Variants in ARK2C observed in about 807,000 individuals in gnomAD.
The protein encoded by ARK2C is arkadia (RNF111) C-terminal like ring finger ubiquitin ligase 2C.
the ARK2C span, chr18:46,456,896 C>T: frequency 2.2e-6 from 1 of 463,666 alleles, no homozygotes. Context: ...AGCGCAAGGG[C>T]GGGAAGGAGG....
At chr18:46,416,519 G>C in the ARK2C span, among the ~76,000 whole-genome samples, 1 of 152,188 alleles carries the variant, frequency 6.6e-6, no homozygotes, top group Non-Finnish European at 1.5e-5. Flanking sequence ...ACTCAAAATT[G>C]AGTCCCCACC....
the ARK2C span, among the ~76,000 whole-genome samples, chr18:46,451,478 T>G: frequency 3.9e-5 from 6 of 152,050 alleles, no homozygotes; most frequent in Non-Finnish European, 7.4e-5. Flanking sequence ...CACATCCAGA[T>G]AATGGAATAT....
chr18:46,438,042 G>A, the ARK2C span, among the ~76,000 whole-genome samples: 1 of 152,234 alleles, frequency 6.6e-6, no homozygotes, highest in Non-Finnish European at 1.5e-5. Flanking sequence ...CTTAGGGTCT[G>A]TACAGCAACC....
the ARK2C span, among the ~76,000 whole-genome samples, chr18:46,365,178 T>C: frequency 2.0e-5 from 3 of 152,202 alleles, no homozygotes; most frequent in Non-Finnish European, 2.9e-5. Flanking sequence ...TCTTTGGAAC[T>C]TAACCTGGCT....
At chr18:46,454,961 A>G in the ARK2C span, among the ~76,000 whole-genome samples, 1 of 152,244 alleles carries the variant, frequency 6.6e-6, no homozygotes, top group Non-Finnish European at 1.5e-5. Flanking sequence ...AGTCCATGCC[A>G]TCTGAATTTG....
At chr18:46,381,325 A>G in the ARK2C span, among the ~76,000 whole-genome samples, 1 of 152,162 alleles carries the variant, frequency 6.6e-6, no homozygotes, top group Non-Finnish European at 1.5e-5. Context: ...TAGCCGCAAG[A>G]AACAGTGACC....
At chr18:46,358,931 CTT>C in the ARK2C span, among the ~76,000 whole-genome samples, 1 of 152,304 alleles carries the variant, frequency 6.6e-6, no homozygotes, top group South Asian at 2.1e-4. Flanking sequence ...CCCCCGGACT[CTT>C]GTCCCCACAG....
At chr18:46,433,390 C>G in the ARK2C span, 1 of 1,613,474 alleles carries the variant, frequency 6.2e-7, no homozygotes, top group Non-Finnish European at 8.5e-7. Flanking sequence ...GCTGCCCACC[C>G]TGCAGTTCCA....
At chr18:46,393,553 A>G in the ARK2C span, among the ~76,000 whole-genome samples, 1 of 151,938 alleles carries the variant, frequency 6.6e-6, no homozygotes, top group African/African-American at 2.4e-5. Flanking sequence ...CCCCATCTAC[A>G]TAGGACTGGA....
At chr18:46,448,703 C>A in the ARK2C span, among the ~76,000 whole-genome samples, 10 of 152,158 alleles carry the variant, frequency 6.6e-5, no homozygotes, top group African/African-American at 2.2e-4. Context: ...AGAGGGCAGG[C>A]CTTCTTGTGG....
chr18:46,407,422 A>G, the ARK2C span, among the ~76,000 whole-genome samples: 4 of 152,090 alleles, frequency 2.6e-5, no homozygotes, highest in African/African-American at 7.2e-5. Context: ...TATTGTCGTC[A>G]TCATCATTAT....
chr18:46,448,770 A>G, the ARK2C span, among the ~76,000 whole-genome samples: 4 of 152,292 alleles, frequency 2.6e-5, no homozygotes, highest in African/African-American at 9.6e-5. Flanking sequence ...GGCTCCTGAC[A>G]TTGCAAGCTG....
the ARK2C span, among the ~76,000 whole-genome samples, chr18:46,452,856 C>T: frequency 8.5e-5 from 13 of 152,238 alleles, no homozygotes; most frequent in African/African-American, 1.7e-4. Context: ...CTTATAACTC[C>T]GTTACTTTGG....
At chr18:46,435,257 G>T in the ARK2C span, 1 of 1,601,154 alleles carries the variant, frequency 6.2e-7, no homozygotes, top group South Asian at 1.1e-5. Flanking sequence ...GGTAGCCCCT[G>T]ACACGAGGGC....
chr18:46,353,499 G>T, the ARK2C span, among the ~76,000 whole-genome samples: 1 of 152,148 alleles, frequency 6.6e-6, no homozygotes, highest in Admixed American at 6.5e-5. Context: ...CTGGCAGGTC[G>T]TAGGCACTCA....
At chr18:46,340,539 T>C in the ARK2C span, among the ~76,000 whole-genome samples, 1 of 152,222 alleles carries the variant, frequency 6.6e-6, no homozygotes, top group African/African-American at 2.4e-5. Context: ...GGAAACCAGA[T>C]ACTGTCTAAG....
the ARK2C span, among the ~76,000 whole-genome samples, chr18:46,410,664 G>A: frequency 6.6e-6 from 1 of 152,192 alleles, no homozygotes; most frequent in Middle Eastern, 3.2e-3. Flanking sequence ...CCATGGGCCT[G>A]GCTGAAGGGG....
the ARK2C span, among the ~76,000 whole-genome samples, chr18:46,379,279 C>G: frequency 7.9e-5 from 12 of 152,182 alleles, no homozygotes; most frequent in Non-Finnish European, 1.8e-4. Context: ...GCTTATTGAC[C>G]GTACTTGTCT....
chr18:46,423,265 T>C, the ARK2C span, among the ~76,000 whole-genome samples: 1 of 152,220 alleles, frequency 6.6e-6, no homozygotes, highest in Non-Finnish European at 1.5e-5. Flanking sequence ...TGGCATTTCC[T>C]TAGTCTAGGG....
Sources: allele counts gnomAD v4.1 joint callset (sites outside exome capture counted in the v4.1 genomes callset), GRCh38; gene constraint gnomAD v4.1.1; transcripts MANE v1.5; gene names NCBI Gene and HGNC (gene_info 2026-07-23, HGNC 2026-07-21).